The following ACSL1 variants were observed in gnomAD, a reference collection of about 807,000 sequenced individuals.
ACSL1 encodes the protein acyl-CoA synthetase long chain family member 1.
A neutral mutation model predicts 98.4 loss-of-function variants in ACSL1; 41 were observed. The ratio of observed to expected loss-of-function variants is 0.42; its 90% CI spans 0.32 to 0.54. ACSL1 has a LOEUF of 0.54. Among genes scored for constraint, ACSL1 ranks in the 20% least tolerant of loss-of-function variants. ACSL1 has a pLI of 0.13. For missense variants in ACSL1, 734 were observed against 883.1 expected, an observed-to-expected ratio of 0.83 and a Z score of 2.14; for synonymous variants, 316 against 322.7, an observed-to-expected ratio of 0.98 and a Z score of 0.22.
intron 1 of ACSL1, among the ~76,000 whole-genome samples, chr4:184,823,368 G>C (rs1050876997): frequency 6.6e-6 from 1 of 152,236 alleles, no homozygotes; most frequent in Non-Finnish European, 1.5e-5. Context: ...TAATTGAACA[G>C]AGTTTGGTTA....
chr4:184,825,186 C>T lies in ACSL1; in HGVS notation c.-33+730G>A. ...CGCACCGACTGGGGGAACGCCTGTC[C>T]CCAGACTCGAATCCACGTGTCCATT... On this transcript the variant is annotated intron_variant, in intron 1 of 20. Transcript: ENST00000281455. This position sits in a 1 kb window ranked among gnomAD's most constrained non-coding sequence, Gnocchi z 4.7. The T allele has an allele frequency of 1.0e-6, 1 of 985,340 alleles. No homozygotes were observed. The highest frequency in any genetic ancestry group is 1.7e-5 in the African/African-American group (1 of 57,348). 61.0% of individuals were successfully genotyped at this position (985,340 alleles called of 1,614,324 possible). A position where few individuals can be genotyped will look rare whatever the true frequency, so the allele number is the denominator to read the frequency against.
chr4:184,761,762 C>A (rs895960531), intron 17 of ACSL1, among the ~76,000 whole-genome samples: 1 of 152,140 alleles, frequency 6.6e-6, no homozygotes, highest in Non-Finnish European at 1.5e-5. Flanking sequence ...CGGCTCAGTA[C>A]GGATATTGTA....
At chr4:184,820,210 G>T (rs991935371) in intron 1 of ACSL1, among the ~76,000 whole-genome samples, 4 of 152,102 alleles carry the variant, frequency 2.6e-5, no homozygotes, top group African/African-American at 9.7e-5. Context: ...GTAGAGACAG[G>T]GTTGCACCGT....
intron 4 of ACSL1, among the ~76,000 whole-genome samples, chr4:184,783,577 G>A (rs1458589111): frequency 1.3e-5 from 2 of 152,198 alleles, no homozygotes; most frequent in Non-Finnish European, 2.9e-5. Context: ...GTATTCCCAC[G>A]TTCCAGCTTC....
At chr4:184,765,156 C>T (rs947912395) in intron 14 of ACSL1, among the ~76,000 whole-genome samples, 1 of 152,302 alleles carries the variant, frequency 6.6e-6, no homozygotes, top group Admixed American at 6.5e-5. Context: ...CGAGGGAGAA[C>T]CCCTATGTGA....
intron 18 of ACSL1, 91 bp downstream of exon 18, chr4:184,760,266 G>A (rs751332294): frequency 2.5e-5 from 35 of 1,417,568 alleles, no homozygotes; most frequent in African/African-American, 5.7e-5. Context: ...AGTGATAGGC[G>A]TCTCAAACTT....
intron 7 of ACSL1, among the ~76,000 whole-genome samples, chr4:184,775,990 T>C (rs918916627): frequency 1.3e-5 from 2 of 152,164 alleles, no homozygotes; most frequent in African/African-American, 2.4e-5. Context: ...AAACTTGTGA[T>C]TGGTATGACT....
intron 2 of ACSL1, chr4:184,799,116 CT>C (rs34651371): frequency 0.09 from 10,856 of 121,072 alleles, 571 homozygotes; most frequent in African/African-American, 0.22. Flanking sequence ...TTACCTGATT[CT>C]TTTTTTTTTT....
chr4:184,825,235 G>A lies in ACSL1; in HGVS notation c.-33+681C>T. 2.0e-6 allele frequency: 2 copies of A among 985,360 alleles called. No homozygotes were observed. The highest frequency in any genetic ancestry group is 2.3e-4 in the East Asian group (2 of 8,808). The allele number at this position is 985,360 out of a possible 1,614,324, so 61.0% of individuals were successfully genotyped here. A position where few individuals can be genotyped will look rare whatever the true frequency, so the allele number is the denominator to read the frequency against. On this transcript the variant is annotated intron_variant, in intron 1 of 20. Transcript: ENST00000281455. The surrounding 1 kb of genome is among the most constrained non-coding windows in gnomAD (Gnocchi z 4.7). ...TTCAAGTCATCTACCGCCACTCTCC[G>A]TCTACGCTGCCAGGTGACAGACATC...
chr4:184,768,644 T>C (rs1763998197), intron 11 of ACSL1, among the ~76,000 whole-genome samples, 194 bp from the exon 12 acceptor site: 1 of 152,220 alleles, frequency 6.6e-6, no homozygotes, highest in Non-Finnish European at 1.5e-5. Flanking sequence ...GTATTTCTCT[T>C]GGTTATCCTG....
chr4:184,773,433 A>C lies in ACSL1; in HGVS notation c.841+230T>G, dbSNP rs189872770. ...GGGAGCCACCGATATAGTCTGTCCT[A>C]GGAAGACAGGTGAATCTAATATCAC... On this transcript the variant is annotated intron_variant, in intron 9 of 20. Transcript: ENST00000281455. This position sits in a 1 kb window ranked among gnomAD's most constrained non-coding sequence, Gnocchi z 4.3. Among the ~76,000 whole-genome samples, 2 of 152,232 alleles carry C rather than the reference A, an allele frequency of 1.3e-5. No individual in the cohort carries two copies. The highest frequency in any genetic ancestry group is 4.8e-5 in the African/African-American group (2 of 41,460).
At position 184,763,153 on chromosome 4, in the gene ACSL1, CG is replaced by C. The variant is rs759966643; in HGVS notation, c.1521+13del. The C allele has an allele frequency of 3.7e-6, 6 of 1,610,968 alleles. No homozygotes were observed. The highest frequency in any genetic ancestry group is 5.1e-6 in the Non-Finnish European group (6 of 1,179,120). ...AATGGCAGCGAGGGAAAATGACTGA[CG>C]GTTTTCACTCACCTCGCCCTCGCCC... is the stretch of plus-strand genomic sequence containing the variant. On this transcript the variant is annotated intron_variant, in intron 16 of 20. Coordinates refer to ENST00000281455, the MANE Select transcript of ACSL1 (RefSeq NM_001995.5).
chr4:184,795,084 T>C (rs1340681303), intron 2 of ACSL1, among the ~76,000 whole-genome samples: 5 of 152,038 alleles, frequency 3.3e-5, no homozygotes, highest in African/African-American at 1.2e-4. Flanking sequence ...CAAATACACA[T>C]TGTTCCAGAA....
At chr4:184,811,393 T>C (rs1457574444) in intron 1 of ACSL1, among the ~76,000 whole-genome samples, 1 of 152,068 alleles carries the variant, frequency 6.6e-6, no homozygotes, top group South Asian at 2.1e-4. Context: ...ATTACAGGTG[T>C]GAGCCACCGC....
chr4:184,776,156 C>A (rs1055086039), intron 7 of ACSL1, among the ~76,000 whole-genome samples: 16 of 152,172 alleles, frequency 1.1e-4, no homozygotes, highest in African/African-American at 3.4e-4. Context: ...CATTAAAGCC[C>A]AAAGGAGACA....
At chr4:184,760,278 C>T (rs1762674337) in intron 18 of ACSL1, 79 bp downstream of exon 18, 3 of 1,502,964 alleles carry the variant, frequency 2.0e-6, no homozygotes, top group Admixed American at 2.0e-5. Context: ...CTCAAACTTC[C>T]AATCACATTT....
rs146022729 is a variant in ACSL1 at position 184,773,889 on chromosome 4, G to GA, written c.757-15dup. 6.2e-6 allele frequency: 10 copies of GA among 1,613,654 alleles called. No homozygotes were observed. The highest frequency in any genetic ancestry group is 8.5e-6 in the Non-Finnish European group (10 of 1,179,764). ...TCTTCCCAGGTCCTTAATTAGAAGA[G>GA]AAAAAAAGTCTTAAATGGAAACGTT... On this transcript the variant is annotated splice_polypyrimidine_tract_variant and intron_variant, in intron 7 of 20. Transcript: ENST00000281455. The surrounding 1 kb of genome is among the most constrained non-coding windows in gnomAD (Gnocchi z 4.3).
At chr4:184,807,767 AAAAGC>A (rs141019274) in intron 1 of ACSL1, among the ~76,000 whole-genome samples, 3,116 of 152,316 alleles carry the variant, frequency 0.02, 103 homozygotes, top group African/African-American at 0.072. Flanking sequence ...TGAACATCAC[AAAAGC>A]AAACTGATGA....
At chr4:184,806,900 T>A (rs922830982) in intron 1 of ACSL1, among the ~76,000 whole-genome samples, 2 of 152,358 alleles carry the variant, frequency 1.3e-5, no homozygotes, top group East Asian at 3.9e-4. Flanking sequence ...ATTAATGCTA[T>A]ACATAGGAAA....
Sources: allele counts gnomAD v4.1 joint callset (sites outside exome capture counted in the v4.1 genomes callset), GRCh38; gene constraint gnomAD v4.1.1; non-coding constraint Gnocchi (gnomAD v3.1); transcripts MANE v1.5; gene names NCBI Gene and HGNC (gene_info 2026-07-23, HGNC 2026-07-21).